TGM6: variants seen among roughly 807,000 people sequenced by gnomAD.
TGM6 encodes protein-glutamine gamma-glutamyltransferase 6.
In TGM6, 74 loss-of-function variants were observed where a neutral mutation model predicts 77.5. The ratio of observed to expected loss-of-function variants is 0.96; its 90% CI spans 0.79 to 1.16. The LOEUF (loss-of-function observed/expected upper bound fraction) is 1.16, where lower values mean the gene tolerates loss of function less well. Ranked by LOEUF, TGM6 falls within the 50% of genes most tolerant of loss-of-function variation. TGM6 has a pLI of 0.00. For missense variants in TGM6, 968 were observed against 940.2 expected, an observed-to-expected ratio of 1.03 and a Z score of -0.39; for synonymous variants, 383 against 378.9, an observed-to-expected ratio of 1.01 and a Z score of -0.12.
In TGM6 at chr20:2,395,256, G is replaced by A; in HGVS notation, c.244G>A (p.Gly82Ser). ...AVFQTSELER[G>S]EGWTAAREAQ... Reference sequence around the variant, plus strand: ...GTTCCAGACATCGGAGCTGGAGCGGGGTGAGGGCTGGACAGCAGCAAGGGA... The same window carrying A: ...GTTCCAGACATCGGAGCTGGAGCGGAGTGAGGGCTGGACAGCAGCAAGGGA... Residue 82 changes from glycine to serine, a missense_variant, in exon 3 of 13, where the codon GGT becomes AGT. Transcript: ENST00000202625. 1 of 1,614,114 alleles carries A rather than the reference G, an allele frequency of 6.2e-7. No homozygotes were observed. Among genetic ancestry groups the A allele is most frequent in the Non-Finnish European group, 8.5e-7 (1 of 1,180,014 alleles).
At chr20:2,420,234 G>C (rs1046468205) in intron 10 of TGM6, among the ~76,000 whole-genome samples, 8 of 151,942 alleles carry the variant, frequency 5.3e-5, no homozygotes, top group Admixed American at 2.6e-4. Flanking sequence ...AACAGAGAGA[G>C]ACTCTTGTCT....
intron 9 of TGM6, among the ~76,000 whole-genome samples, chr20:2,404,610 T>C (rs1352815194): frequency 6.6e-6 from 1 of 151,528 alleles, no homozygotes; most frequent in African/African-American, 2.4e-5. Flanking sequence ...TTTTCTGCTC[T>C]CTAGCATCAT....
intron 9 of TGM6, among the ~76,000 whole-genome samples, chr20:2,404,290 G>T (rs1280481690): frequency 6.6e-6 from 1 of 152,182 alleles, no homozygotes; most frequent in Non-Finnish European, 1.5e-5. Context: ...TTGGTTCATT[G>T]AAGAGCCCCT....
intron 10 of TGM6, among the ~76,000 whole-genome samples, chr20:2,420,845 A>G (rs2084851111): frequency 7.1e-6 from 1 of 140,174 alleles, no homozygotes; most frequent in Non-Finnish European, 1.5e-5. Flanking sequence ...TTATTGCAAA[A>G]TAGTATTCCA....
chr20:2,413,433 T>C (rs1480079665), intron 9 of TGM6, among the ~76,000 whole-genome samples: 1 of 151,914 alleles, frequency 6.6e-6, no homozygotes, highest in Non-Finnish European at 1.5e-5. Context: ...AAGACAAAAA[T>C]TACAACAGAT....
In TGM6 at chr20:2,394,618, G is replaced by T; in HGVS notation, c.174G>T (p.Met58Ile). 1.2e-6 allele frequency: 2 copies of T among 1,609,012 alleles called. No individual in the cohort carries two copies. Among genetic ancestry groups the T allele is most frequent in the East Asian group, 2.2e-5 (1 of 44,694 alleles). ...GTGAGGAGATCCTCATCTTCACGATGGAGACAGGTAACTGGGCTTGCCAGC... is the reference window on the plus strand; with the variant it reads ...GTGAGGAGATCCTCATCTTCACGATTGAGACAGGTAACTGGGCTTGCCAGC... The part of the protein sequence containing the change: ...LDCEEILIFT[M>I]ETGPRASEAL... The change falls in exon 2 of 13, where the codon ATG becomes ATT. Residue 58 changes from methionine to isoleucine, a missense_variant. Coordinates refer to ENST00000202625, the MANE Select transcript of TGM6 (RefSeq NM_198994.3).
intron 10 of TGM6, among the ~76,000 whole-genome samples, chr20:2,421,196 A>G (rs2084854511): frequency 6.6e-6 from 1 of 152,206 alleles, no homozygotes; most frequent in African/African-American, 2.4e-5. Flanking sequence ...CATGTTGGCC[A>G]GGATGGTCTT....
rs763334757 is a variant in TGM6, at chr20:2,399,714, G to C, written c.826G>C (p.Val276Leu). 3 of 1,614,030 alleles carry C rather than the reference G, an allele frequency of 1.9e-6. No homozygotes were observed. The highest frequency in any genetic ancestry group is 2.5e-6 in the Non-Finnish European group (3 of 1,180,010). ...YKPVKYGQCW[V>L]FAGVLCTVLR... Reference sequence around the variant, plus strand: ...GCCAGTCAAGTACGGCCAGTGCTGGGTCTTCGCCGGAGTCCTGTGCACAGG... The same window carrying C: ...GCCAGTCAAGTACGGCCAGTGCTGGCTCTTCGCCGGAGTCCTGTGCACAGG... Residue 276 changes from valine (V) to leucine (L), a missense_variant, in exon 6 of 13, where the codon GTC becomes CTC. Physicochemically the swap from Val to Leu is conservative, Grantham distance 32. Coordinates refer to ENST00000202625, the MANE Select transcript of TGM6 (RefSeq NM_198994.3).
At chr20:2,412,898 G>A (rs901905915) in intron 9 of TGM6, among the ~76,000 whole-genome samples, 5 of 151,980 alleles carry the variant, frequency 3.3e-5, no homozygotes, top group African/African-American at 9.7e-5. Flanking sequence ...AAATGAAAAG[G>A]CATCCCATTT....
At chr20:2,398,831 C>A (rs905247874) in intron 5 of TGM6, among the ~76,000 whole-genome samples, 4 of 152,100 alleles carry the variant, frequency 2.6e-5, no homozygotes, top group African/African-American at 9.7e-5. Context: ...CAGGGCCCAC[C>A]ACCTCCCTCT....
At chr20:2,420,961 G>GT (rs371187666) in intron 10 of TGM6, among the ~76,000 whole-genome samples, 2 of 151,992 alleles carry the variant, frequency 1.3e-5, no homozygotes, top group East Asian at 3.9e-4. Context: ...CCTTATGCAG[G>GT]TTTTTGTGTG....
At chr20:2,418,529 C>T (rs6114121) in intron 10 of TGM6, among the ~76,000 whole-genome samples, 34,160 of 152,044 alleles carry the variant, frequency 0.22, 4,393 homozygotes, top group East Asian at 0.35. Context: ...CACTCCTGAC[C>T]AAGACCAGGA....
At chr20:2,384,031 C>T (rs1419634548) in intron 1 of TGM6, among the ~76,000 whole-genome samples, 12 of 147,456 alleles carry the variant, frequency 8.1e-5, no homozygotes, top group South Asian at 2.2e-4. Flanking sequence ...GGCATGAACC[C>T]GGGAGGCGGA....
intron 1 of TGM6, among the ~76,000 whole-genome samples, chr20:2,383,588 A>G (rs977931353): frequency 6.6e-6 from 1 of 152,190 alleles, no homozygotes; most frequent in African/African-American, 2.4e-5. Context: ...TGACATGCTG[A>G]CACTCAGAAA....
chr20:2,422,361 T>C (rs1188339145), intron 10 of TGM6, among the ~76,000 whole-genome samples: 1 of 152,158 alleles, frequency 6.6e-6, no homozygotes. Flanking sequence ...TGCTACTTTG[T>C]CAAAGATCAA....
At chr20:2,397,617 C>A (rs1044176428) in intron 4 of TGM6, among the ~76,000 whole-genome samples, 1 of 152,152 alleles carries the variant, frequency 6.6e-6, no homozygotes, top group South Asian at 2.1e-4. Context: ...AGCATATCAG[C>A]GAGGTGGATG....
At chr20:2,403,261 T>C in intron 7 of TGM6, 136 bp from the exon 8 acceptor site, 1 of 826,668 alleles carries the variant, frequency 1.2e-6, no homozygotes, top group Middle Eastern at 2.2e-4. Flanking sequence ...CTCATTCATG[T>C]GGTTGAATGA....
intron 1 of TGM6, among the ~76,000 whole-genome samples, chr20:2,382,882 C>G (rs1429640386): frequency 6.6e-6 from 1 of 152,158 alleles, no homozygotes; most frequent in Non-Finnish European, 1.5e-5. Context: ...TCTTTAAGTA[C>G]CAGTTGATCA....
At chr20:2,426,382 A>G (rs4349401) in intron 10 of TGM6, among the ~76,000 whole-genome samples, 33,958 of 152,090 alleles carry the variant, frequency 0.22, 3,990 homozygotes, top group South Asian at 0.3. Context: ...ATTACCACTC[A>G]TAAGTTCCAG....
Sources: allele counts gnomAD v4.1 joint callset (sites outside exome capture counted in the v4.1 genomes callset), GRCh38; gene constraint gnomAD v4.1.1; transcripts MANE v1.5; gene names NCBI Gene and HGNC (gene_info 2026-07-23, HGNC 2026-07-21).